ZC3H12D: variants seen among roughly 807,000 people sequenced by gnomAD.
The protein encoded by ZC3H12D is zinc finger CCCH-type containing 12D.
In ZC3H12D, 11 loss-of-function variants were observed where a neutral mutation model predicts 24.2. That is an observed-to-expected ratio of 0.46 (90% CI 0.29 to 0.75). The LOEUF (loss-of-function observed/expected upper bound fraction) is 0.75, where lower values mean the gene tolerates loss of function less well. ZC3H12D is among the 30% of genes least tolerant of loss of function. ZC3H12D has a pLI of 0.11. For missense variants in ZC3H12D, 740 were observed against 767.7 expected (o/e 0.96, Z 0.43); for synonymous variants, 333 against 341.8 (o/e 0.97, Z 0.28).
In ZC3H12D at chr6:149,450,532, C is replaced by G. The variant is rs1233837376; in HGVS notation, c.*151G>C. 1 of 860,166 alleles carries G rather than the reference C, an allele frequency of 1.2e-6. No homozygotes were observed. The highest frequency in any genetic ancestry group is 1.7e-5 in the African/African-American group (1 of 57,208). The allele number at this position is 860,166 out of a possible 1,614,324, so 53.3% of individuals were successfully genotyped here. On this transcript the variant is annotated 3_prime_UTR_variant, in exon 6 of 6. Transcript: ENST00000409806. ...GTGCCACCAGGCCCCCACAACCCCGCTCAGGAGGAGGAAGCAGGCTTCCCT... is the reference window on the plus strand; with the variant it reads ...GTGCCACCAGGCCCCCACAACCCCGGTCAGGAGGAGGAAGCAGGCTTCCCT...
At chr6:149,474,949 T>A (rs1776312116) in intron 1 of ZC3H12D, among the ~76,000 whole-genome samples, 1 of 150,660 alleles carries the variant, frequency 6.6e-6, no homozygotes, top group Admixed American at 6.6e-5. Flanking sequence ...GGCTGAATAG[T>A]GACCTCCCAA....
chr6:149,475,079 G>C (rs1388971003), intron 1 of ZC3H12D, among the ~76,000 whole-genome samples: 1 of 152,138 alleles, frequency 6.6e-6, no homozygotes, highest in African/African-American at 2.4e-5. Flanking sequence ...GAGGAAATTT[G>C]AACACATAAC....
intron 2 of ZC3H12D, among the ~76,000 whole-genome samples, chr6:149,464,336 C>T (rs756003261): frequency 1.3e-4 from 20 of 152,266 alleles, no homozygotes; most frequent in Admixed American, 3.3e-4. Context: ...AGTGGGGTTT[C>T]GCTGGAGGGA....
intron 5 of ZC3H12D, among the ~76,000 whole-genome samples, chr6:149,451,689 G>A (rs926793039): frequency 3.9e-5 from 6 of 152,270 alleles, no homozygotes; most frequent in Middle Eastern, 6.8e-3. Context: ...AGAAGTGCCC[G>A]GGAGGCGCGG....
In ZC3H12D at chr6:149,447,430, T is replaced by G. The variant is rs1166670456; in HGVS notation, c.*3253A>C. ...CCACGGACCCAGCTAATTTTTGTAT[T>G]TTTAGTAGAGACAGGGTCTCACCAG... is the stretch of plus-strand genomic sequence containing the variant. On this transcript the variant is annotated 3_prime_UTR_variant, in exon 6 of 6. Transcript: ENST00000409806. 1 of 152,132 alleles carries G rather than the reference T, an allele frequency of 6.6e-6. No homozygotes were observed. Among genetic ancestry groups the G allele is most frequent in the East Asian group, 1.9e-4 (1 of 5,190 alleles). The allele number at this position is 152,132 out of a possible 1,614,324, so 9.4% of individuals were successfully genotyped here.
intron 1 of ZC3H12D, among the ~76,000 whole-genome samples, chr6:149,479,909 A>G (rs973863439): frequency 2.0e-5 from 3 of 152,154 alleles, no homozygotes; most frequent in Non-Finnish European, 2.9e-5. Flanking sequence ...TTGGCCCCCA[A>G]TCTTATTGAA....
chr6:149,451,902 C>T (rs1775904558), intron 5 of ZC3H12D, among the ~76,000 whole-genome samples: 1 of 152,236 alleles, frequency 6.6e-6, no homozygotes, highest in African/African-American at 2.4e-5. Flanking sequence ...AGGACTGCGC[C>T]TGCAGTGCCG....
chr6:149,480,169 C>T (rs1267876143), intron 1 of ZC3H12D, among the ~76,000 whole-genome samples: 2 of 152,180 alleles, frequency 1.3e-5, no homozygotes, highest in Non-Finnish European at 2.9e-5. Context: ...TAAGACAATC[C>T]AATGTCAACT....
chr6:149,474,249 C>T lies in ZC3H12D; in HGVS notation c.295G>A (p.Val99Met), dbSNP rs762876662. 4 of 1,481,176 alleles carry T rather than the reference C, an allele frequency of 2.7e-6. No homozygotes were observed. Among genetic ancestry groups the T allele is most frequent in the Non-Finnish European group, 3.6e-6 (4 of 1,106,098 alleles). The allele number at this position is 1,481,176 out of a possible 1,614,324, so 91.8% of individuals were successfully genotyped here. Residue 99 changes from valine (V) to methionine (M), a missense_variant, in exon 2 of 6, where the codon GTG becomes ATG. Physicochemically the swap from Val to Met is conservative, Grantham distance 21. Transcript: ENST00000409806. ...ATGAAGGGAAGCTACCTCATCGCCA[C>T]GTTGCTGCCATCAATCACTATGGGT... ...LRPIVIDGSN[V>M]AMSHGNKETF...
intron 2 of ZC3H12D, among the ~76,000 whole-genome samples, chr6:149,468,579 C>A (rs1017114167): frequency 6.6e-6 from 1 of 152,188 alleles, no homozygotes; most frequent in African/African-American, 2.4e-5. Flanking sequence ...GCTGCTCTTG[C>A]CACTCTGTTT....
intron 1 of ZC3H12D, among the ~76,000 whole-genome samples, chr6:149,481,722 GATGGGGTAGATACAA>G (rs1776428820): frequency 6.7e-6 from 1 of 148,774 alleles, no homozygotes; most frequent in Non-Finnish European, 1.5e-5. Flanking sequence ...CTGGTGGGAA[GATGGGGTAGATACAA>G]GTGTTCCCTT....
rs1181227219 is a variant in ZC3H12D, at chr6:149,447,040, T to G, written c.*3643A>C. 1 of 152,228 alleles carries G rather than the reference T, an allele frequency of 6.6e-6. No homozygotes were observed. The highest frequency in any genetic ancestry group is 1.5e-5 in the Non-Finnish European group (1 of 68,052). 9.4% of individuals were successfully genotyped at this position (152,228 alleles called of 1,614,324 possible). A position where few individuals can be genotyped will look rare whatever the true frequency, so the allele number is the denominator to read the frequency against. On this transcript the variant is annotated 3_prime_UTR_variant, in exon 6 of 6. Coordinates refer to ENST00000409806, the MANE Select transcript of ZC3H12D (RefSeq NM_207360.3). ...ATGAGATGGCTTCATAGTTCTATAA[T>G]GAGGATTTTAGAAGTCTAGGAAATG...
rs1775778445 is a variant in ZC3H12D at position 149,446,797 on chromosome 6, A to G, written c.*3886T>C. 1 of 152,046 alleles carries G rather than the reference A, an allele frequency of 6.6e-6. No individual in the cohort carries two copies. The highest frequency in any genetic ancestry group is 1.5e-5 in the Non-Finnish European group (1 of 68,022). The allele number at this position is 152,046 out of a possible 1,614,324, so 9.4% of individuals were successfully genotyped here. A position where few individuals can be genotyped will look rare whatever the true frequency, so the allele number is the denominator to read the frequency against. Reference sequence around the variant, plus strand: ...TGGCTCCTCAGCTGAGCTCAATGTCAAACCAAAGCTGGATCCATTTTATTT... The same window carrying G: ...TGGCTCCTCAGCTGAGCTCAATGTCGAACCAAAGCTGGATCCATTTTATTT... On this transcript the variant is annotated 3_prime_UTR_variant, in exon 6 of 6. Transcript: ENST00000409806.
Position 149,474,270 on chromosome 6 carries a change from T to C in ZC3H12D, c.274A>G (p.Ile92Val). 1.3e-6 allele frequency: 2 copies of C among 1,507,234 alleles called. No homozygotes were observed. The highest frequency in any genetic ancestry group is 1.8e-6 in the Non-Finnish European group (2 of 1,119,132). 93.4% of individuals were successfully genotyped at this position (1,507,234 alleles called of 1,614,324 possible). A position where few individuals can be genotyped will look rare whatever the true frequency, so the allele number is the denominator to read the frequency against. The change falls in exon 2 of 6, where the codon ATA becomes GTA. Residue 92 changes from isoleucine to valine, a missense_variant. Physicochemically the swap from Ile to Val is conservative, Grantham distance 29. Coordinates refer to ENST00000409806, the MANE Select transcript of ZC3H12D (RefSeq NM_207360.3). ...GCCACGTTGCTGCCATCAATCACTA[T>C]GGGTCGCAGAGAACTGGCCAGGGTT... Reference protein sequence around the residue: ...FRTLASSLRPIVIDGSNVAMS... With the variant: ...FRTLASSLRPVVIDGSNVAMS...
chr6:149,482,485 A>G (rs901568275), intron 1 of ZC3H12D, among the ~76,000 whole-genome samples: 1 of 152,186 alleles, frequency 6.6e-6, no homozygotes, highest in African/African-American at 2.4e-5. Context: ...TGGCCCGGCA[A>G]GGCCCTGGGA....
At chr6:149,467,940 A>T (rs1259484815) in intron 2 of ZC3H12D, among the ~76,000 whole-genome samples, 1 of 152,182 alleles carries the variant, frequency 6.6e-6, no homozygotes, top group African/African-American at 2.4e-5. Flanking sequence ...GCCGAGAGCC[A>T]GGCCCTGGGA....
intron 3 of ZC3H12D, among the ~76,000 whole-genome samples, chr6:149,461,035 G>C (rs908505959): frequency 6.6e-6 from 1 of 151,928 alleles, no homozygotes; most frequent in Non-Finnish European, 1.5e-5. Context: ...AATATTCCTA[G>C]CTGATTGAAG....
chr6:149,449,872 G>A lies in ZC3H12D; in HGVS notation c.*811C>T, dbSNP rs117638213. 1 of 152,298 alleles carries A rather than the reference G, an allele frequency of 6.6e-6. No individual in the cohort carries two copies. Among genetic ancestry groups the A allele is most frequent in the East Asian group, 1.9e-4 (1 of 5,172 alleles). The allele number at this position is 152,298 out of a possible 1,614,324, so 9.4% of individuals were successfully genotyped here. A position where few individuals can be genotyped will look rare whatever the true frequency, so the allele number is the denominator to read the frequency against. On this transcript the variant is annotated 3_prime_UTR_variant, in exon 6 of 6. Transcript: ENST00000409806. ...AAATATTGGAGATACTTAACCCTTA[G>A]CCAAACAGTATGTGTCTGTGTGGTG... is the stretch of plus-strand genomic sequence containing the variant.
In ZC3H12D at chr6:149,448,309, AAATT is replaced by A. The variant is rs909345454; in HGVS notation, c.*2370_*2373del. 1 of 151,762 alleles carries A rather than the reference AAATT, an allele frequency of 6.6e-6. No homozygotes were observed. The highest frequency in any genetic ancestry group is 1.5e-5 in the Non-Finnish European group (1 of 67,998). The allele number at this position is 151,762 out of a possible 1,614,324, so 9.4% of individuals were successfully genotyped here. Reference sequence around the variant, plus strand: ...TCCGTTTCAAAAATAATAATAATAAAAATTAAAATAAAAAAAATAAAGGCCCGTT... The same window carrying A: ...TCCGTTTCAAAAATAATAATAATAAAAAAATAAAAAAAATAAAGGCCCGTT... On this transcript the variant is annotated 3_prime_UTR_variant, in exon 6 of 6. Coordinates refer to ENST00000409806, the MANE Select transcript of ZC3H12D (RefSeq NM_207360.3).
Sources: allele counts gnomAD v4.1 joint callset (sites outside exome capture counted in the v4.1 genomes callset), GRCh38; gene constraint gnomAD v4.1.1; transcripts MANE v1.5; gene names NCBI Gene and HGNC (gene_info 2026-07-23, HGNC 2026-07-21).